DENND2B: variants seen among roughly 807,000 people sequenced by gnomAD.
The protein encoded by DENND2B is DENN domain-containing protein 2B.
Under a neutral mutation model 116.0 loss-of-function variants are expected in DENND2B, and 32 were observed. That is an observed-to-expected ratio of 0.28 (90% confidence interval 0.21 to 0.37). The LOEUF is 0.37. Ranked by LOEUF, DENND2B falls within the 10% of genes least tolerant of loss-of-function variation. The probability of loss-of-function intolerance (pLI) is 1.00; values close to 1 mark genes in which losing one functional copy is unlikely to be tolerated. For synonymous variants in DENND2B, 588 were observed against 583.9 expected, an observed-to-expected ratio of 1.01 and a Z score of -0.10; for missense variants, 1,276 against 1,477.7, an observed-to-expected ratio of 0.86 and a Z score of 2.24.
intron 1 of DENND2B, among the ~76,000 whole-genome samples, chr11:8,780,437 C>A (rs996516078): frequency 2.0e-5 from 3 of 152,150 alleles, no homozygotes; most frequent in African/African-American, 7.2e-5. Context: ...AGAGGGTGAC[C>A]CTTGTGCTAG....
Position 8,712,729 on chromosome 11 carries a change from G to T in DENND2B, c.1994C>A (p.Thr665Lys). 6.2e-7 allele frequency: 1 copy of T among 1,609,746 alleles called. No individual in the cohort carries two copies. The highest frequency in any genetic ancestry group is 8.5e-7 in the Non-Finnish European group (1 of 1,177,790). ...SDSDDRFKAH[T>K]QRLVHIQSML... ...CGACTGGATGTGGACCAGGCGCTGTGTGTGGGCTGGAGGCAGGTTGCACAT... is the reference window on the plus strand; with the variant it reads ...CGACTGGATGTGGACCAGGCGCTGTTTGTGGGCTGGAGGCAGGTTGCACAT... Residue 665 changes from threonine to lysine, a missense_variant, in exon 9 of 20, where the codon ACA (threonine) becomes AAA (lysine). Coordinates refer to ENST00000313726, the MANE Select transcript of DENND2B (RefSeq NM_213618.2). The surrounding 1 kb of genome is among the most constrained non-coding windows in gnomAD (Gnocchi z 4.4).
intron 2 of DENND2B, among the ~76,000 whole-genome samples, chr11:8,733,033 GC>G (rs1324529856): frequency 6.6e-6 from 1 of 152,226 alleles, no homozygotes; most frequent in Non-Finnish European, 1.5e-5. Flanking sequence ...ACCTCAACAT[GC>G]TTAAGTTGTT....
At chr11:8,722,074 C>A (rs536846545) in intron 4 of DENND2B, among the ~76,000 whole-genome samples, 1 of 152,348 alleles carries the variant, frequency 6.6e-6, no homozygotes, top group Admixed American at 6.5e-5. Flanking sequence ...TGAGATGGGA[C>A]AGGCGGGAAA....
intron 3 of DENND2B, among the ~76,000 whole-genome samples, chr11:8,840,472 C>T (rs1372064438): frequency 6.6e-6 from 1 of 152,120 alleles, no homozygotes; most frequent in East Asian, 1.9e-4. Flanking sequence ...AGGCCTGAGT[C>T]GGGCAAGCTT....
intron 8 of DENND2B, among the ~76,000 whole-genome samples, chr11:8,713,766 C>T (rs2044212644): frequency 6.6e-6 from 1 of 152,232 alleles, no homozygotes; most frequent in African/African-American, 2.4e-5. Flanking sequence ...ACCACCCTTA[C>T]ATTTGGCAAA....
At position 8,906,770 on chromosome 11, in the gene DENND2B, T is replaced by A. The variant is rs139301382; in HGVS notation, c.-256+4051A>T. 1.4e-3 allele frequency among the ~76,000 whole-genome samples: 207 copies of A among 152,216 alleles called. 1 individual carries two copies. The highest frequency in any genetic ancestry group is 4.7e-3 in the African/African-American group (197 of 41,556). ...TTCTTTCATTCCCCCAATAACCCAGTGAGATGATGTAATCAGGCAAAATGA... is the reference window on the plus strand; with the variant it reads ...TTCTTTCATTCCCCCAATAACCCAGAGAGATGATGTAATCAGGCAAAATGA... On this transcript the variant is annotated intron_variant, in intron 1 of 22. Transcript: ENST00000534127.
chr11:8,809,211 A>T (rs939698966), intron 1 of DENND2B: 7 of 152,246 alleles, frequency 4.6e-5, no homozygotes, highest in Non-Finnish European at 1.0e-4. Flanking sequence ...TCAGGCCACA[A>T]CCACGATGTA....
intron 1 of DENND2B, among the ~76,000 whole-genome samples, chr11:8,907,609 G>A (rs1230739143): frequency 6.6e-6 from 1 of 152,086 alleles, no homozygotes; most frequent in Non-Finnish European, 1.5e-5. Context: ...ATTTCTAAAT[G>A]TTAAATTCTG....
chr11:8,897,285 G>C (rs1222324021), intron 1 of DENND2B, among the ~76,000 whole-genome samples: 2 of 151,508 alleles, frequency 1.3e-5, no homozygotes, highest in East Asian at 3.9e-4. Context: ...ACTAACCAGA[G>C]GCACATGACA....
chr11:8,701,523 T>A (rs2041675837), intron 14 of DENND2B, among the ~76,000 whole-genome samples: 1 of 152,028 alleles, frequency 6.6e-6, no homozygotes, highest in Admixed American at 6.5e-5. Flanking sequence ...TGTACTTTCT[T>A]CTTTCTGCCT....
chr11:8,823,910 T>C (rs1206662547), intron 4 of DENND2B, among the ~76,000 whole-genome samples: 9 of 151,068 alleles, frequency 6.0e-5, no homozygotes, highest in South Asian at 2.1e-4. Flanking sequence ...CTTCTTTTTT[T>C]TTTTTTTTTT....
intron 2 of DENND2B, among the ~76,000 whole-genome samples, chr11:8,866,732 T>C (rs1242921173): frequency 6.6e-6 from 1 of 152,230 alleles, no homozygotes; most frequent in African/African-American, 2.4e-5. Flanking sequence ...CAGGAACTTC[T>C]GAATAAATGG....
intron 4 of DENND2B, among the ~76,000 whole-genome samples, chr11:8,824,146 C>T (rs2061877480): frequency 6.6e-6 from 1 of 151,958 alleles, no homozygotes; most frequent in Non-Finnish European, 1.5e-5. Context: ...TTGTGATCTG[C>T]CCAACTAGGC....
At chr11:8,723,350 T>C (rs925507562) in intron 4 of DENND2B, among the ~76,000 whole-genome samples, 1 of 152,198 alleles carries the variant, frequency 6.6e-6, no homozygotes, top group African/African-American at 2.4e-5. Context: ...TTCAACCATT[T>C]CTCTCTGTCC....
chr11:8,753,799 T>G (rs1169572925), intron 1 of DENND2B, among the ~76,000 whole-genome samples: 1 of 152,126 alleles, frequency 6.6e-6, no homozygotes, highest in Admixed American at 6.6e-5. Context: ...AGACAATTCA[T>G]GGGGAAAGAA....
At chr11:8,741,172 C>G (rs1468379323) in intron 2 of DENND2B, among the ~76,000 whole-genome samples, 1 of 152,224 alleles carries the variant, frequency 6.6e-6, no homozygotes, top group Non-Finnish European at 1.5e-5. Flanking sequence ...GTCCCTACAG[C>G]TTGTCAGAGT....
At chr11:8,880,453 T>A (rs1387356047) in intron 2 of DENND2B, among the ~76,000 whole-genome samples, 1 of 151,604 alleles carries the variant, frequency 6.6e-6, no homozygotes, top group Non-Finnish European at 1.5e-5. Context: ...GAATAGAGAT[T>A]TCAATACTGT....
chr11:8,799,376 G>C (rs1041787183), intron 1 of DENND2B, among the ~76,000 whole-genome samples: 1 of 152,108 alleles, frequency 6.6e-6, no homozygotes, highest in African/African-American at 2.4e-5. Flanking sequence ...AGGTTGGAGA[G>C]AGGCAGAGAA....
intron 1 of DENND2B, among the ~76,000 whole-genome samples, chr11:8,780,885 C>A: frequency 6.6e-6 from 1 of 152,072 alleles, no homozygotes. Context: ...ACCTTTGAAG[C>A]TCAGGCTGAA....
Sources: allele counts gnomAD v4.1 joint callset (sites outside exome capture counted in the v4.1 genomes callset), GRCh38; gene constraint gnomAD v4.1.1; non-coding constraint Gnocchi (gnomAD v3.1); transcripts MANE v1.5; gene names NCBI Gene and HGNC (gene_info 2026-07-23, HGNC 2026-07-21).